Variants in ADHFE1 observed in about 807,000 individuals in gnomAD.
ADHFE1 encodes the protein hydroxyacid-oxoacid transhydrogenase, mitochondrial.
A neutral mutation model predicts 54.8 loss-of-function variants in ADHFE1; 37 were observed. The observed-to-expected ratio is 0.68, with a 90% CI of 0.52 to 0.89. ADHFE1 has a LOEUF of 0.89. Ranked by LOEUF, ADHFE1 falls within the 40% of genes least tolerant of loss-of-function variation. The pLI, the probability that ADHFE1 is intolerant of heterozygous loss-of-function variation, is 0.00. For missense variants in ADHFE1, 601 were observed against 591.2 expected, an observed-to-expected ratio of 1.02 and a Z score of -0.17; for synonymous variants, 203 against 229.3, an observed-to-expected ratio of 0.89 and a Z score of 1.04.
intron 6 of ADHFE1, among the ~76,000 whole-genome samples, chr8:66,445,999 C>G (rs1204684251): frequency 1.3e-5 from 2 of 152,190 alleles, no homozygotes; most frequent in East Asian, 3.8e-4. Flanking sequence ...CTTTTCTTCT[C>G]TGCCATTTTT....
intron 13 of ADHFE1, among the ~76,000 whole-genome samples, chr8:66,465,991 G>T (rs1807156526): frequency 6.7e-6 from 1 of 150,088 alleles, no homozygotes; most frequent in Non-Finnish European, 1.5e-5. Flanking sequence ...TCTTGACCAT[G>T]TCCTTTGATG....
In ADHFE1 at chr8:66,443,966, TTACCAGAGCC is replaced by T. The variant is rs760741385; in HGVS notation, c.145-397_145-388del. ...CCTGTGTCTCTTATTCATAGTTGAGTTACCAGAGCCTACACAGTGCCTCGAACATAGAAGA... is the reference window on the plus strand; with the variant it reads ...CCTGTGTCTCTTATTCATAGTTGAGTTACACAGTGCCTCGAACATAGAAGA... On this transcript the variant is annotated intron_variant, in intron 3 of 13. Coordinates refer to ENST00000396623, the MANE Select transcript of ADHFE1 (RefSeq NM_144650.3). 3.7e-4 allele frequency among the ~76,000 whole-genome samples: 56 copies of T among 151,562 alleles called. No individual in the cohort carries two copies. In the East Asian group the frequency reaches 4.8e-3, roughly 13 times the overall value.
At chr8:66,450,203 G>A (rs1806229727) in intron 8 of ADHFE1, among the ~76,000 whole-genome samples, 1 of 152,196 alleles carries the variant, frequency 6.6e-6, no homozygotes, top group South Asian at 2.1e-4. Context: ...ACTTTGATGA[G>A]CTGTTCCCTA....
intron 12 of ADHFE1, among the ~76,000 whole-genome samples, chr8:66,457,772 A>G (rs201053678): frequency 6.6e-6 from 1 of 151,818 alleles, no homozygotes; most frequent in East Asian, 1.9e-4. Flanking sequence ...TATTGAGAGT[A>G]TTTGTAGTAA....
intron 9 of ADHFE1, among the ~76,000 whole-genome samples, chr8:66,452,944 G>T (rs1180974110): frequency 6.6e-6 from 1 of 152,270 alleles, no homozygotes; most frequent in Admixed American, 6.5e-5. Context: ...GCCTAGACGT[G>T]AGCACGGTGC....
intron 1 of ADHFE1, among the ~76,000 whole-genome samples, chr8:66,435,295 T>C (rs955993349): frequency 5.3e-5 from 8 of 152,222 alleles, no homozygotes; most frequent in East Asian, 1.9e-4. Context: ...GTTCCAGAGG[T>C]CAAAAGTCTG....
chr8:66,445,189 A>C, intron 5 of ADHFE1, 29 bp from the exon 6 acceptor site: 1 of 1,567,874 alleles, frequency 6.4e-7, no homozygotes, highest in Non-Finnish European at 8.6e-7. Flanking sequence ...AAAATATAAC[A>C]TACTGGTTTT....
At chr8:66,455,274 C>T (rs960178039) in intron 10 of ADHFE1, among the ~76,000 whole-genome samples, 5 of 152,174 alleles carry the variant, frequency 3.3e-5, no homozygotes, top group African/African-American at 1.2e-4. Flanking sequence ...CTGATTTCTC[C>T]ACATACTCAC....
At chr8:66,452,798 C>T (rs181545451) in intron 9 of ADHFE1, among the ~76,000 whole-genome samples, 8 of 152,292 alleles carry the variant, frequency 5.3e-5, no homozygotes, top group Admixed American at 5.2e-4. Flanking sequence ...TACAGGAGAG[C>T]AAATAGCAAT....
At chr8:66,461,948 C>G (rs1806921218) in intron 13 of ADHFE1, among the ~76,000 whole-genome samples, 1 of 151,844 alleles carries the variant, frequency 6.6e-6, no homozygotes, top group African/African-American at 2.4e-5. Flanking sequence ...ACCCATACGT[C>G]CAAGGGACCA....
chr8:66,438,447 A>G (rs915980771), intron 1 of ADHFE1, among the ~76,000 whole-genome samples: 6 of 152,174 alleles, frequency 3.9e-5, no homozygotes, highest in East Asian at 1.9e-4. Flanking sequence ...GGAAGCCCAG[A>G]CAAGTAGGGG....
chr8:66,433,386 C>T (rs2555576), intron 1 of ADHFE1, among the ~76,000 whole-genome samples: 26,017 of 152,082 alleles, frequency 0.17, 2,326 homozygotes, highest in Middle Eastern at 0.21. Context: ...ATGGAGAAGA[C>T]GGCTGATAAA....
intron 3 of ADHFE1, among the ~76,000 whole-genome samples, chr8:66,443,344 C>T (rs550639299): frequency 1.9e-3 from 250 of 131,014 alleles, no homozygotes; most frequent in Admixed American, 3.0e-3. Context: ...GTGGTGTGAT[C>T]TCAGCTCACT....
At chr8:66,446,365 A>T (rs1806022995) in intron 6 of ADHFE1, among the ~76,000 whole-genome samples, 3 of 152,216 alleles carry the variant, frequency 2.0e-5, no homozygotes, top group African/African-American at 7.2e-5. Flanking sequence ...GGGAATAAAG[A>T]TGTCTTTTAG....
rs759042161 is a variant in ADHFE1 at position 66,468,286 on chromosome 8, T to C, written c.1338T>C (p.Leu446=). ...TGTTTCAGGAAAGGGTCACCAAGCT[T>C]GCACCCTGTCCCCAGTCAGAAGAGG... The part of the protein sequence containing the change: ...GTLPQERVTK[L]APCPQSEEDL... The change falls in exon 14 of 14, where the codon CTT becomes CTC. Residue 446 remains leucine (L), a synonymous_variant. Coordinates refer to ENST00000396623, the MANE Select transcript of ADHFE1 (RefSeq NM_144650.3). 6.2e-7 allele frequency: 1 copy of C among 1,613,258 alleles called. No individual in the cohort carries two copies. The highest frequency in any genetic ancestry group is 1.3e-5 in the African/African-American group (1 of 74,962).
Position 66,439,868 on chromosome 8 carries a change from T to A in ADHFE1, c.60-294T>A, listed in dbSNP as rs1805657298. 2.3e-6 allele frequency: 2 copies of A among 861,574 alleles called. No homozygotes were observed. The highest frequency in any genetic ancestry group is 3.1e-6 in the Non-Finnish European group (2 of 650,732). The allele number at this position is 861,574 out of a possible 1,614,324, so 53.4% of individuals were successfully genotyped here. A position where few individuals can be genotyped will look rare whatever the true frequency, so the allele number is the denominator to read the frequency against. ...CAGAGACCCCCATCTTAAACTTGCA[T>A]GTACCCCCAGAGCGTTTATCTCAGC... On this transcript the variant is annotated intron_variant, in intron 1 of 13. Coordinates refer to ENST00000396623, the MANE Select transcript of ADHFE1 (RefSeq NM_144650.3). The surrounding 1 kb of genome is among the most constrained non-coding windows in gnomAD (Gnocchi z 4.4).
At position 66,468,396 on chromosome 8, in the gene ADHFE1, T is replaced by G; in HGVS notation, c.*44T>G. ...GAATTACCGCTGGCCATTGTAGTGCTGAGAGCAAGAGCTGATCTAGCTAGG... is the reference window on the plus strand; with the variant it reads ...GAATTACCGCTGGCCATTGTAGTGCGGAGAGCAAGAGCTGATCTAGCTAGG... On this transcript the variant is annotated 3_prime_UTR_variant, in exon 14 of 14. Transcript: ENST00000396623. The G allele has an allele frequency of 6.5e-7, 1 of 1,533,064 alleles. No homozygotes were observed. The highest frequency in any genetic ancestry group is 9.0e-7 in the Non-Finnish European group (1 of 1,117,200). 95.0% of individuals were successfully genotyped at this position (1,533,064 alleles called of 1,614,324 possible).
chr8:66,439,822 G>T lies in ADHFE1; in HGVS notation c.60-340G>T. The T allele has an allele frequency of 1.8e-6, 2 of 1,092,678 alleles. No homozygotes were observed. Among genetic ancestry groups the T allele is most frequent in the Non-Finnish European group, 2.3e-6 (2 of 886,040 alleles). The allele number at this position is 1,092,678 out of a possible 1,614,324, so 67.7% of individuals were successfully genotyped here. A position where few individuals can be genotyped will look rare whatever the true frequency, so the allele number is the denominator to read the frequency against. ...TTGGTCAACGCTCCTAACCCAGTAA[G>T]AGCTGGGGCTTCATGGAGACCAGAG... On this transcript the variant is annotated intron_variant, in intron 1 of 13. Coordinates refer to ENST00000396623, the MANE Select transcript of ADHFE1 (RefSeq NM_144650.3). The surrounding 1 kb of genome is among the most constrained non-coding windows in gnomAD (Gnocchi z 4.4).
chr8:66,453,862 A>G (rs1209454225), intron 9 of ADHFE1, 197 bp from the exon 10 acceptor site: 3 of 1,490,332 alleles, frequency 2.0e-6, no homozygotes, highest in East Asian at 2.7e-5. Flanking sequence ...GCCTTTGCTG[A>G]AACAGTTGAT....
Sources: gnomAD v4.1 joint callset for allele counts (sites outside exome capture counted in the v4.1 genomes callset) on GRCh38, gnomAD v4.1.1 for gene constraint, Gnocchi (gnomAD v3.1) non-coding constraint, MANE v1.5 for transcripts, NCBI Gene and HGNC (gene_info 2026-07-23, HGNC 2026-07-21) for gene names.